Variants in CNTN5 observed in about 807,000 individuals in gnomAD.
CNTN5 encodes contactin 5, also known as contactin-5.
In CNTN5, 77 loss-of-function variants were observed where a neutral mutation model predicts 129.1. The observed-to-expected ratio is 0.60, with a 90% CI of 0.50 to 0.72. The LOEUF is 0.72. Among genes scored for constraint, CNTN5 ranks in the 30% least tolerant of loss-of-function variants. The probability of loss-of-function intolerance (pLI) is 0.00; values close to 1 mark genes in which losing one functional copy is unlikely to be tolerated. For missense variants in CNTN5, 1,478 were observed against 1,328.8 expected (o/e 1.11, Z -1.75); for synonymous variants, 509 against 465.6 (o/e 1.09, Z -1.20).
intron 2 of CNTN5, among the ~76,000 whole-genome samples, chr11:99,340,887 T>C (rs535583815): frequency 1.3e-5 from 2 of 152,328 alleles, no homozygotes; most frequent in East Asian, 3.9e-4. Flanking sequence ...TCTTAGAAAT[T>C]ATATTTTCAG....
At chr11:99,176,182 G>C (rs766962689) in intron 1 of CNTN5, among the ~76,000 whole-genome samples, 2 of 152,016 alleles carry the variant, frequency 1.3e-5, no homozygotes, top group Non-Finnish European at 2.9e-5. Context: ...AAATCACTTT[G>C]TCGTGTTTCT....
chr11:99,559,159 A>C, intron 3 of CNTN5, among the ~76,000 whole-genome samples: 1 of 152,066 alleles, frequency 6.6e-6, no homozygotes, highest in East Asian at 1.9e-4. Flanking sequence ...CTGTATATGA[A>C]TGTCACATTA....
chr11:99,600,444 A>C (rs1488848705), intron 3 of CNTN5, among the ~76,000 whole-genome samples: 1 of 152,172 alleles, frequency 6.6e-6, no homozygotes, highest in East Asian at 1.9e-4. Context: ...AATTAGGTAT[A>C]AATTGTAATG....
At chr11:99,343,457 A>G (rs1041578102) in intron 2 of CNTN5, among the ~76,000 whole-genome samples, 1 of 152,196 alleles carries the variant, frequency 6.6e-6, no homozygotes, top group African/African-American at 2.4e-5. Flanking sequence ...TAGACTAGGT[A>G]TGATATCCAA....
At chr11:99,224,838 C>T (rs1000320777) in intron 1 of CNTN5, among the ~76,000 whole-genome samples, 6 of 151,830 alleles carry the variant, frequency 4.0e-5, no homozygotes, top group Non-Finnish European at 7.4e-5. Flanking sequence ...AGAAACATAA[C>T]AACCCATCCC....
intron 1 of CNTN5, among the ~76,000 whole-genome samples, chr11:99,078,907 A>T (rs554230747): frequency 5.3e-5 from 8 of 152,110 alleles, no homozygotes; most frequent in Non-Finnish European, 7.4e-5. Flanking sequence ...AGTAAACAAT[A>T]ATTTATTGTA....
intron 13 of CNTN5, among the ~76,000 whole-genome samples, chr11:100,130,881 G>A (rs1362219045): frequency 2.0e-5 from 3 of 152,054 alleles, no homozygotes; most frequent in Non-Finnish European, 4.4e-5. Context: ...ATTGTTGACT[G>A]ATTTGGAGGT....
chr11:100,270,804 C>T (rs1170317762), intron 17 of CNTN5, among the ~76,000 whole-genome samples: 3 of 152,230 alleles, frequency 2.0e-5, no homozygotes, highest in African/African-American at 7.2e-5. Flanking sequence ...TTATCTGGGG[C>T]TGAGGGATTG....
chr11:100,333,366 G>A (rs1951948972), intron 21 of CNTN5, among the ~76,000 whole-genome samples: 2 of 118,834 alleles, frequency 1.7e-5, no homozygotes, highest in South Asian at 5.6e-4. Context: ...GCAATTCAAT[G>A]CAATTTCCAT....
intron 3 of CNTN5, among the ~76,000 whole-genome samples, chr11:99,785,119 C>T (rs985167225): frequency 6.6e-6 from 1 of 151,920 alleles, no homozygotes; most frequent in African/African-American, 2.4e-5. Context: ...GCACCCTGCC[C>T]TTATTGTGGT....
intron 3 of CNTN5, among the ~76,000 whole-genome samples, chr11:99,744,397 T>C (rs1400229657): frequency 6.6e-6 from 1 of 151,714 alleles, no homozygotes; most frequent in Non-Finnish European, 1.5e-5. Context: ...TAGGAGATAG[T>C]GTTCCCACTA....
chr11:100,164,974 CTTATTTTTTAA>C (rs1408535758), intron 13 of CNTN5, among the ~76,000 whole-genome samples: 2 of 151,588 alleles, frequency 1.3e-5, no homozygotes, highest in African/African-American at 4.8e-5. Flanking sequence ...ATATTTTTTA[CTTATTTTTTAA>C]GCAGTCCACA....
chr11:99,097,287 G>A (rs1483147311), intron 1 of CNTN5, among the ~76,000 whole-genome samples: 1 of 151,850 alleles, frequency 6.6e-6, no homozygotes, highest in African/African-American at 2.4e-5. Flanking sequence ...GACAATATGA[G>A]TACAAACTGA....
rs1239949795 is a variant in CNTN5, at chr11:100,143,851, C to T, written c.1581-47275C>T. 4.6e-5 allele frequency among the ~76,000 whole-genome samples: 7 copies of T among 152,174 alleles called. No individual in the cohort carries two copies. In the East Asian group the frequency reaches 1.4e-3, roughly 30 times the overall value. ...GCAGAAGGCATTGGTAGGGAGAGAT[C>T]AGGTGGTGTGATTTGAGCTTTTTTC... On this transcript the variant is annotated intron_variant, in intron 13 of 24. Transcript: ENST00000524871.
chr11:99,199,853 A>G (rs1431475251), intron 1 of CNTN5, among the ~76,000 whole-genome samples: 2 of 152,218 alleles, frequency 1.3e-5, no homozygotes, highest in Non-Finnish European at 2.9e-5. Flanking sequence ...GAAGAATTAC[A>G]GTCTTCCACA....
chr11:99,451,899 G>A (rs942448457), intron 2 of CNTN5, among the ~76,000 whole-genome samples: 1 of 152,112 alleles, frequency 6.6e-6, no homozygotes, highest in Non-Finnish European at 1.5e-5. Flanking sequence ...CCTTGAAAGA[G>A]TAATTCAATA....
At chr11:99,138,381 G>A (rs1032489265) in intron 1 of CNTN5, among the ~76,000 whole-genome samples, 1 of 152,116 alleles carries the variant, frequency 6.6e-6, no homozygotes, top group Non-Finnish European at 1.5e-5. Context: ...TGATGTACAA[G>A]CATTTGGCAG....
At chr11:99,427,154 A>T (rs1009677373) in intron 2 of CNTN5, among the ~76,000 whole-genome samples, 24 of 152,232 alleles carry the variant, frequency 1.6e-4, no homozygotes, top group African/African-American at 5.8e-4. Context: ...AAAAGAGTAC[A>T]TGAATTATTT....
At chr11:99,577,228 T>C (rs1483917170) in intron 3 of CNTN5, among the ~76,000 whole-genome samples, 2 of 152,290 alleles carry the variant, frequency 1.3e-5, no homozygotes, top group South Asian at 4.1e-4. Context: ...GGGAGAAATG[T>C]CCAGCACTTT....
Sources: allele counts gnomAD v4.1 joint callset (sites outside exome capture counted in the v4.1 genomes callset), GRCh38; gene constraint gnomAD v4.1.1; transcripts MANE v1.5; gene names NCBI Gene and HGNC (gene_info 2026-07-23, HGNC 2026-07-21).